The following CCNT2 variants were observed in gnomAD, a reference collection of about 807,000 sequenced individuals.
The protein encoded by CCNT2 is cyclin T2.
A neutral mutation model predicts 70.0 loss-of-function variants in CCNT2; 18 were observed. The observed-to-expected ratio is 0.26, with a 90% CI of 0.18 to 0.38. CCNT2 has a LOEUF of 0.38. Ranked by LOEUF, CCNT2 falls within the 10% of genes least tolerant of loss-of-function variation. The pLI is 1.00. For synonymous variants in CCNT2, 334 were observed against 313.3 expected (o/e 1.07, Z -0.70); for missense variants, 734 against 890.2 (o/e 0.82, Z 2.23).
chr2:134,918,832 G>C lies in CCNT2; in HGVS notation c.-23G>C. 1 of 1,604,422 alleles carries C rather than the reference G, an allele frequency of 6.2e-7. No individual in the cohort carries two copies. The highest frequency in any genetic ancestry group is 2.2e-5 in the East Asian group (1 of 44,512). On this transcript the variant is annotated 5_prime_UTR_variant, in exon 1 of 9. Coordinates refer to ENST00000264157, the MANE Select transcript of CCNT2 (RefSeq NM_058241.3). ...CAGGAGGGGCGGGGGGTGAATGAAG[G>C]AGCGGGCGGAGGAGGAAGTGTCATG... is the stretch of plus-strand genomic sequence containing the variant.
At chr2:134,931,289 G>GTTTTTTTTTTTTTTTTTTTTTTTT (rs1449427550) in intron 2 of CCNT2, among the ~76,000 whole-genome samples, 5 of 52,856 alleles carry the variant, frequency 9.5e-5, no homozygotes, top group African/African-American at 7.9e-5. Flanking sequence ...TTTTTTTTTG[G>GTTTTTTTTTTTTTTTTTTTTTTTT]TATTTGAATA....
At chr2:134,919,959 T>G (rs1679762222) in intron 2 of CCNT2, 68 bp downstream of exon 2, 1 of 1,058,862 alleles carries the variant, frequency 9.4e-7, no homozygotes, top group African/African-American at 1.6e-5. Context: ...GAAAAAAAGT[T>G]GGTCATTGCG....
intron 7 of CCNT2, among the ~76,000 whole-genome samples, chr2:134,950,005 A>C (rs1195887056): frequency 6.6e-6 from 1 of 152,152 alleles, no homozygotes; most frequent in Non-Finnish European, 1.5e-5. Context: ...CATGTTGGCC[A>C]GGCTGGTCTT....
At position 134,919,070 on chromosome 2, in the gene CCNT2, C is replaced by T. The variant is rs915218558; in HGVS notation, c.158+58C>T. 129 of 1,512,852 alleles carry T rather than the reference C, an allele frequency of 8.5e-5. 1 individual carries two copies. Among genetic ancestry groups the T allele is most frequent in the Non-Finnish European group, 1.1e-4 (126 of 1,129,812 alleles). The allele number at this position is 1,512,852 out of a possible 1,614,324, so 93.7% of individuals were successfully genotyped here. On this transcript the variant is annotated intron_variant, in intron 1 of 8. Transcript: ENST00000264157. ...TGTTTCCCTTGCCCGGTCGCCGGGC[C>T]TGGTGCCCCGCGAACATGGCGCCGC... is the stretch of plus-strand genomic sequence containing the variant.
chr2:134,941,576 TATAAA>T (rs1478877442), intron 4 of CCNT2, among the ~76,000 whole-genome samples: 1 of 152,174 alleles, frequency 6.6e-6, no homozygotes, highest in Non-Finnish European at 1.5e-5. Flanking sequence ...TTGAAGTTTC[TATAAA>T]ATAAAAAGAT....
Position 134,925,608 on chromosome 2 carries a change from T to A in CCNT2, c.240+5717T>A, listed in dbSNP as rs938101376. On this transcript the variant is annotated intron_variant, in intron 2 of 8. Coordinates refer to ENST00000264157, the MANE Select transcript of CCNT2 (RefSeq NM_058241.3). Reference sequence around the variant, plus strand: ...GTATTTATTCAGTAGGTTGTTTACTTTTCTTGCTGTACTACCCATTATTCC... The same window carrying A: ...GTATTTATTCAGTAGGTTGTTTACTATTCTTGCTGTACTACCCATTATTCC... 5.3e-5 allele frequency among the ~76,000 whole-genome samples: 8 copies of A among 152,198 alleles called. No individual in the cohort carries two copies. The East Asian group carries it at 1.3e-3, about 26-fold the overall frequency.
intron 2 of CCNT2, among the ~76,000 whole-genome samples, chr2:134,931,534 A>G (rs1381997296): frequency 2.0e-5 from 3 of 151,940 alleles, no homozygotes; most frequent in African/African-American, 7.2e-5. Context: ...TGTTTTGGCT[A>G]TTCTTAGTCC....
In CCNT2 at chr2:134,943,347, G is replaced by T. The variant is rs115414567; in HGVS notation, c.493+673G>T. On this transcript the variant is annotated intron_variant, in intron 5 of 8. Transcript: ENST00000264157. The stretch of plus-strand genomic sequence containing the variant: ...GCCCAGTAGTTGGAGGTTGCAGTGA[G>T]CCCAGATCATGCCCCTGCACTCTAC... 3.3e-3 allele frequency: 2,455 copies of T among 745,360 alleles called. 43 individuals carry two copies. In the African/African-American group the frequency reaches 0.038, roughly 12 times the overall value. 46.2% of individuals were successfully genotyped at this position (745,360 alleles called of 1,614,324 possible).
chr2:134,928,274 C>CTTTTT lies in CCNT2; in HGVS notation c.240+8398_240+8402dup, dbSNP rs551173090. Reference sequence around the variant, plus strand: ...CCATGCCCGGCCTCACATTGTATTTCTTTTTTTTTTTTTTTTTTTCTGAGA... The same window carrying CTTTTT: ...CCATGCCCGGCCTCACATTGTATTTCTTTTTTTTTTTTTTTTTTTTTTTTCTGAGA... On this transcript the variant is annotated intron_variant, in intron 2 of 8. Transcript: ENST00000264157. 1.5e-3 allele frequency among the ~76,000 whole-genome samples: 147 copies of CTTTTT among 96,376 alleles called. 8 individuals carry two copies. The highest frequency in any genetic ancestry group is 0.01 in the Middle Eastern group (1 of 100). 63.2% of individuals were successfully genotyped at this position (96,376 alleles called of 152,430 possible).
chr2:134,928,304 G>GTTTTTTTT (rs1680456120), intron 2 of CCNT2, among the ~76,000 whole-genome samples: 3 of 97,706 alleles, frequency 3.1e-5, no homozygotes, highest in African/African-American at 8.0e-5. Flanking sequence ...CTGAGACGGA[G>GTTTTTTTT]TTTCATTCTT....
At chr2:134,933,803 T>A (rs958052371) in intron 2 of CCNT2, among the ~76,000 whole-genome samples, 1 of 152,174 alleles carries the variant, frequency 6.6e-6, no homozygotes, top group Non-Finnish European at 1.5e-5. Flanking sequence ...ATAATAATAT[T>A]TGAGTCATAT....
intron 7 of CCNT2, 21 bp from the exon 8 acceptor site, chr2:134,952,620 A>T (rs1048219343): frequency 6.7e-7 from 1 of 1,499,046 alleles, no homozygotes. Context: ...TCTAAGTTTC[A>T]AATTTAAATT....
chr2:134,939,431 TTATGAG>T (rs773778538), intron 4 of CCNT2, among the ~76,000 whole-genome samples: 48 of 152,074 alleles, frequency 3.2e-4, no homozygotes, highest in Non-Finnish European at 4.4e-4. Flanking sequence ...AGTCAGTATT[TTATGAG>T]TATATCACCT....
rs2105096884 is a variant in CCNT2, at chr2:134,955,561, CTA to C, written c.*914_*915del. ...TATGTGGATTACTGTGATTTGAAAA[CTA>C]AATTCACAATAACTTACCTAGTAGA... On this transcript the variant is annotated 3_prime_UTR_variant, in exon 9 of 9. Transcript: ENST00000264157. 1 of 152,754 alleles carries C rather than the reference CTA, an allele frequency of 6.5e-6. No homozygotes were observed. Among genetic ancestry groups the C allele is most frequent in the East Asian group, 1.9e-4 (1 of 5,190 alleles). 9.5% of individuals were successfully genotyped at this position (152,754 alleles called of 1,614,324 possible).
intron 3 of CCNT2, among the ~76,000 whole-genome samples, chr2:134,937,754 A>C (rs1681268633): frequency 1.3e-5 from 2 of 152,100 alleles, no homozygotes; most frequent in Admixed American, 1.3e-4. Flanking sequence ...ATCTCTACTA[A>C]AAATACAAAA....
intron 3 of CCNT2, among the ~76,000 whole-genome samples, chr2:134,937,771 A>G (rs1351587957): frequency 1.3e-5 from 2 of 152,136 alleles, no homozygotes; most frequent in African/African-American, 2.4e-5. Flanking sequence ...AAAATTAGCC[A>G]GGCATGGTGG....
intron 1 of CCNT2, 75 bp from the exon 2 acceptor site, chr2:134,919,735 G>A: frequency 8.5e-7 from 1 of 1,181,488 alleles, no homozygotes; most frequent in Non-Finnish European, 1.2e-6. Context: ...AAAAGAACCT[G>A]GGAATTTTCC....
rs138188952 is a variant in CCNT2 at position 134,923,669 on chromosome 2, T to C, written c.240+3778T>C. On this transcript the variant is annotated intron_variant, in intron 2 of 8. Coordinates refer to ENST00000264157, the MANE Select transcript of CCNT2 (RefSeq NM_058241.3). Reference sequence around the variant, plus strand: ...TATAAATTACCTGGTTGAAATTTTATTAAGATCTCACTATGCCAGGCACTT... The same window carrying C: ...TATAAATTACCTGGTTGAAATTTTACTAAGATCTCACTATGCCAGGCACTT... 3.7e-3 allele frequency among the ~76,000 whole-genome samples: 560 copies of C among 152,330 alleles called. 7 individuals are homozygous for C. The highest frequency in any genetic ancestry group is 0.013 in the African/African-American group (532 of 41,570).
At chr2:134,928,699 C>A (rs1007928482) in intron 2 of CCNT2, among the ~76,000 whole-genome samples, 2 of 151,772 alleles carry the variant, frequency 1.3e-5, no homozygotes, top group Non-Finnish European at 2.9e-5. Flanking sequence ...CACTTTCACA[C>A]TAATCTTAAA....
Sources: gnomAD v4.1 joint callset for allele counts (sites outside exome capture counted in the v4.1 genomes callset) on GRCh38, gnomAD v4.1.1 for gene constraint, MANE v1.5 for transcripts, NCBI Gene and HGNC (gene_info 2026-07-23, HGNC 2026-07-21) for gene names.